TAF1B: variants seen among roughly 807,000 people sequenced by gnomAD.
TAF1B encodes the protein TATA-box binding protein associated factor, RNA polymerase I subunit B, also known as TATA box-binding protein-associated factor RNA polymerase I subunit B.
TAF1B carries 61 observed loss-of-function variants against 83.9 expected under a neutral mutation model. The ratio of observed to expected loss-of-function variants is 0.73; its 90% CI spans 0.59 to 0.90. The LOEUF (loss-of-function observed/expected upper bound fraction) is 0.90. Among genes scored for constraint, TAF1B ranks in the 40% least tolerant of loss-of-function variants. The pLI, the probability that TAF1B is intolerant of heterozygous loss-of-function variation, is 0.00. For missense variants in TAF1B, 625 were observed against 677.0 expected (o/e 0.92, Z 0.85); for synonymous variants, 221 against 224.6 (o/e 0.98, Z 0.14).
intron 1 of TAF1B, 57 bp downstream of exon 1, chr2:9,843,616 C>G (rs1433914954): frequency 1.4e-6 from 2 of 1,444,040 alleles, no homozygotes; most frequent in African/African-American, 1.5e-5. Context: ...GAGAGAGAAG[C>G]TGAGGAGGAG....
chr2:9,845,603 C>T (rs1424004660), intron 2 of TAF1B: 3 of 314,286 alleles, frequency 9.5e-6, no homozygotes. Flanking sequence ...GAAGATGATG[C>T]ATTTCTTTTT....
intron 9 of TAF1B, among the ~76,000 whole-genome samples, chr2:9,908,326 C>T (rs570001008): frequency 1.3e-5 from 2 of 151,998 alleles, no homozygotes; most frequent in South Asian, 2.1e-4. Flanking sequence ...GGATTACAGG[C>T]GTGAGCCACC....
chr2:9,854,103 A>C (rs1558614124), intron 4 of TAF1B, among the ~76,000 whole-genome samples: 1 of 152,244 alleles, frequency 6.6e-6, no homozygotes, highest in Non-Finnish European at 1.5e-5. Context: ...CTGGTTCAAC[A>C]TACTAATCCC....
intron 8 of TAF1B, among the ~76,000 whole-genome samples, chr2:9,891,957 A>T (rs1029273348): frequency 6.6e-6 from 1 of 152,212 alleles, no homozygotes; most frequent in Non-Finnish European, 1.5e-5. Context: ...CATATTTTTT[A>T]TAAATTTTGT....
chr2:9,855,730 AGCTTAGTC>A, intron 5 of TAF1B, among the ~76,000 whole-genome samples: 1 of 152,152 alleles, frequency 6.6e-6, no homozygotes, highest in East Asian at 1.9e-4. Context: ...CGAACATCAT[AGCTTAGTC>A]TAGCCCACTT....
chr2:9,882,869 T>G, intron 8 of TAF1B, 64 bp downstream of exon 8: 1 of 1,178,176 alleles, frequency 8.5e-7, no homozygotes, highest in Non-Finnish European at 1.2e-6. Context: ...TGATAATTTC[T>G]ATTTCTTGCT....
intron 14 of TAF1B, among the ~76,000 whole-genome samples, chr2:9,920,620 G>C (rs1478290282): frequency 2.0e-5 from 3 of 151,880 alleles, no homozygotes; most frequent in African/African-American, 7.3e-5. Context: ...TGTTAATAGT[G>C]ATCACCCAGT....
chr2:9,906,473 C>A (rs1296730531), intron 9 of TAF1B, among the ~76,000 whole-genome samples: 1 of 152,002 alleles, frequency 6.6e-6, no homozygotes, highest in East Asian at 1.9e-4. Flanking sequence ...AAAAAAATTA[C>A]CCATAAATGT....
At chr2:9,871,973 T>C (rs1378157036) in intron 6 of TAF1B, among the ~76,000 whole-genome samples, 1 of 152,130 alleles carries the variant, frequency 6.6e-6, no homozygotes, top group Non-Finnish European at 1.5e-5. Context: ...GAGAAGAAAT[T>C]TCCAGTTTTT....
intron 5 of TAF1B, among the ~76,000 whole-genome samples, chr2:9,863,806 C>T (rs1663864543): frequency 6.6e-6 from 1 of 152,186 alleles, no homozygotes; most frequent in Admixed American, 6.5e-5. Flanking sequence ...CTCAAAACTG[C>T]TCAACTACAT....
chr2:9,872,731 CA>C (rs1292939921), intron 6 of TAF1B, among the ~76,000 whole-genome samples: 1 of 152,136 alleles, frequency 6.6e-6, no homozygotes, highest in Non-Finnish European at 1.5e-5. Context: ...AAGGAATATA[CA>C]AAAAATTGTG....
chr2:9,881,179 C>A (rs1425851993), intron 7 of TAF1B, among the ~76,000 whole-genome samples: 1 of 151,970 alleles, frequency 6.6e-6, no homozygotes, highest in Non-Finnish European at 1.5e-5. Context: ...ACTAAAAATA[C>A]AAAAATTAGC....
chr2:9,897,203 C>G (rs1665044479), intron 8 of TAF1B, among the ~76,000 whole-genome samples: 1 of 152,256 alleles, frequency 6.6e-6, no homozygotes, highest in Admixed American at 6.5e-5. Flanking sequence ...CTGATTGAAC[C>G]AAAGTATTGG....
At chr2:9,906,993 T>C (rs1225522463) in intron 9 of TAF1B, among the ~76,000 whole-genome samples, 1 of 152,148 alleles carries the variant, frequency 6.6e-6, no homozygotes, top group Non-Finnish European at 1.5e-5. Context: ...TCCTCCCACC[T>C]CAGCCTCCCG....
At chr2:9,867,428 G>A (rs1243763823) in intron 5 of TAF1B, among the ~76,000 whole-genome samples, 3 of 152,210 alleles carry the variant, frequency 2.0e-5, no homozygotes, top group South Asian at 2.1e-4. Flanking sequence ...CTATAGGGAG[G>A]GGATATGCTT....
intron 14 of TAF1B, 151 bp from the exon 15 acceptor site, chr2:9,933,632 A>G (rs182781619): frequency 8.5e-4 from 544 of 638,280 alleles, no homozygotes; most frequent in Non-Finnish European, 1.3e-3. Context: ...AGGAGTTAAC[A>G]AATTCTTCTA....
intron 14 of TAF1B, among the ~76,000 whole-genome samples, chr2:9,925,354 G>A (rs544521032): frequency 7.7e-4 from 117 of 152,008 alleles, no homozygotes; most frequent in African/African-American, 2.7e-3. Context: ...GTAGGAGAAT[G>A]GCATGAACCC....
At chr2:9,925,567 G>GT (rs1416535779) in intron 14 of TAF1B, among the ~76,000 whole-genome samples, 2 of 147,160 alleles carry the variant, frequency 1.4e-5, no homozygotes, top group Non-Finnish European at 3.0e-5. Flanking sequence ...TTGGTTTTGG[G>GT]TTTTTTTGTT....
In TAF1B at chr2:9,918,369, C is replaced by G. The variant is rs77588087; in HGVS notation, c.1272-672C>G. Among the ~76,000 whole-genome samples the G allele has an allele frequency of 9.3e-3, 1,415 of 152,260 alleles. 27 individuals carry two copies. Among genetic ancestry groups the G allele is most frequent in the African/African-American group, 0.028 (1,183 of 41,544 alleles). Reference sequence around the variant, plus strand: ...CTTCCTTTTGGAGTCTGGAACTGATCACCCTCATCTGTAGGAACCTTAGAT... The same window carrying G: ...CTTCCTTTTGGAGTCTGGAACTGATGACCCTCATCTGTAGGAACCTTAGAT... On this transcript the variant is annotated intron_variant, in intron 12 of 14. Transcript: ENST00000263663.
Sources: gnomAD v4.1 joint callset for allele counts (sites outside exome capture counted in the v4.1 genomes callset) on GRCh38, gnomAD v4.1.1 for gene constraint, MANE v1.5 for transcripts, NCBI Gene and HGNC (gene_info 2026-07-23, HGNC 2026-07-21) for gene names.